MAP3K13: variants seen among roughly 807,000 people sequenced by gnomAD.
The protein encoded by MAP3K13 is leucine zipper-bearing kinase.
A neutral mutation model predicts 104.0 loss-of-function variants in MAP3K13; 52 were observed. That is an observed-to-expected ratio of 0.50 (90% CI 0.40 to 0.63). The LOEUF is 0.63. Among genes scored for constraint, MAP3K13 ranks in the 20% least tolerant of loss-of-function variants. The pLI is 0.00. For synonymous variants in MAP3K13, 394 were observed against 442.2 expected (o/e 0.89, Z 1.37); for missense variants, 914 against 1,218.5 (o/e 0.75, Z 3.72).
intron 1 of MAP3K13, among the ~76,000 whole-genome samples, chr3:185,369,358 AAG>A (rs1724045631): frequency 6.6e-6 from 1 of 152,218 alleles, no homozygotes; most frequent in Non-Finnish European, 1.5e-5. Flanking sequence ...CTGAGATGTA[AAG>A]AGAGTTTCTT....
At chr3:185,307,418 A>G (rs1033684945) in intron 2 of MAP3K13, among the ~76,000 whole-genome samples, 4 of 151,674 alleles carry the variant, frequency 2.6e-5, no homozygotes, top group Non-Finnish European at 5.9e-5. Context: ...CAGGAGCTGG[A>G]TAATTCTTAA....
In MAP3K13 at chr3:185,399,626, C is replaced by CGGGGCGGGGGGG. The variant is rs1452317066; in HGVS notation, c.-85-28867_-85-28866insCGGGGGGGGGGG. On this transcript the variant is annotated intron_variant, in intron 1 of 13. Coordinates refer to ENST00000265026, the MANE Select transcript of MAP3K13 (RefSeq NM_004721.5). Reference sequence around the variant, plus strand: ...CGTCAGAAAGAAAGAGAGAGAAAGGCGGGGGGGGGGGGGGAGGGAGGGAGG... The same window carrying CGGGGCGGGGGGG: ...CGTCAGAAAGAAAGAGAGAGAAAGGCGGGGCGGGGGGGGGGGGGGGGGGGGGAGGGAGGGAGG... Among the ~76,000 whole-genome samples, 2 of 310 alleles carry CGGGGCGGGGGGG rather than the reference C, an allele frequency of 6.5e-3. 1 individual carries two copies. Among genetic ancestry groups the CGGGGCGGGGGGG allele is most frequent in the Non-Finnish European group, 0.015 (2 of 136 alleles). 0.2% of individuals were successfully genotyped at this position (310 alleles called of 152,430 possible). A position where few individuals can be genotyped will look rare whatever the true frequency, so the allele number is the denominator to read the frequency against.
upstream of MAP3K13, chr3:185,363,045 GT>G: frequency 1.0e-6 from 1 of 984,096 alleles, no homozygotes; most frequent in African/African-American, 1.8e-5. Flanking sequence ...TGTTTATTCT[GT>G]GACCAGATTC....
rs757013040 is a variant in MAP3K13 at position 185,382,426 on chromosome 3, G to C, written c.-86+19058G>C. On this transcript the variant is annotated intron_variant, in intron 1 of 13. Transcript: ENST00000265026. ...AGTTAAGACTACTGTATATGATGTA[G>C]TGATAAGAGACAAGAAACAGGAGAA... Among the ~76,000 whole-genome samples the C allele has an allele frequency of 2.1e-4, 32 of 152,170 alleles. 1 individual carries two copies. The highest frequency in any genetic ancestry group is 4.3e-4 in the Non-Finnish European group (29 of 68,034).
intron 13 of MAP3K13, among the ~76,000 whole-genome samples, chr3:185,480,956 C>A (rs956661552): frequency 6.6e-6 from 1 of 152,104 alleles, no homozygotes; most frequent in Admixed American, 6.5e-5. Flanking sequence ...AGGTGCCTCC[C>A]CCAACATTGG....
intron 1 of MAP3K13, among the ~76,000 whole-genome samples, chr3:185,380,927 A>C (rs992850639): frequency 1.8e-4 from 27 of 151,912 alleles, no homozygotes; most frequent in African/African-American, 6.5e-4. Context: ...AATACTCCTA[A>C]AAGAGGAAGA....
rs553025408 is a variant in MAP3K13, at chr3:185,353,491, C to A, written c.-86+67848C>A. Reference sequence around the variant, plus strand: ...GATTGGCATAGGTGTGGGCTACGGTCGGTTTACACCTCTACTTGTTACAGT... The same window carrying A: ...GATTGGCATAGGTGTGGGCTACGGTAGGTTTACACCTCTACTTGTTACAGT... On this transcript the variant is annotated intron_variant, in intron 2 of 14. Coordinates refer to the MAP3K13 transcript ENST00000424227. 4.6e-5 allele frequency among the ~76,000 whole-genome samples: 7 copies of A among 152,298 alleles called. No homozygotes were observed. In the South Asian group the frequency reaches 1.4e-3, roughly 32 times the overall value.
chr3:185,380,187 A>AAAAACAAAACAAAAC (rs71162302), intron 1 of MAP3K13, among the ~76,000 whole-genome samples: 7 of 142,838 alleles, frequency 4.9e-5, no homozygotes, highest in East Asian at 2.2e-4. Flanking sequence ...CTCCGTCTCA[A>AAAAACAAAACAAAAC]AAAACAAAAC....
chr3:185,446,996 G>A (rs926047879), intron 4 of MAP3K13, among the ~76,000 whole-genome samples: 1 of 152,174 alleles, frequency 6.6e-6, no homozygotes, highest in Non-Finnish European at 1.5e-5. Flanking sequence ...GACATCCAGC[G>A]AGGTCTGGAG....
At chr3:185,371,033 C>A (rs536130573) in intron 1 of MAP3K13, among the ~76,000 whole-genome samples, 1 of 151,990 alleles carries the variant, frequency 6.6e-6, no homozygotes, top group Non-Finnish European at 1.5e-5. Flanking sequence ...TTATAACCAG[C>A]CTTTGTAAAA....
intron 3 of MAP3K13, among the ~76,000 whole-genome samples, chr3:185,438,578 T>G (rs1312375442): frequency 6.6e-6 from 1 of 152,220 alleles, no homozygotes; most frequent in African/African-American, 2.4e-5. Flanking sequence ...AAAGTGATTG[T>G]TTTCAAGAGT....
chr3:185,333,146 T>C (rs1180300443), intron 2 of MAP3K13, among the ~76,000 whole-genome samples: 1 of 152,208 alleles, frequency 6.6e-6, no homozygotes, highest in Non-Finnish European at 1.5e-5. Context: ...CATTTTTTGT[T>C]CTTGTGCCCT....
intron 10 of MAP3K13, among the ~76,000 whole-genome samples, chr3:185,471,052 A>T (rs1226043751): frequency 6.6e-6 from 1 of 152,214 alleles, no homozygotes; most frequent in Non-Finnish European, 1.5e-5. Flanking sequence ...CGGGACTGTA[A>T]GGTGGATGCT....
chr3:185,449,848 CA>C (rs1244662434), intron 5 of MAP3K13, 51 bp from the exon 6 acceptor site: 59 of 1,475,280 alleles, frequency 4.0e-5, no homozygotes, highest in Non-Finnish European at 5.2e-5. Flanking sequence ...AACTAAAATA[CA>C]AATCAGTCTT....
chr3:185,339,306 G>A (rs1345898535), intron 2 of MAP3K13, among the ~76,000 whole-genome samples: 1 of 152,126 alleles, frequency 6.6e-6, no homozygotes, highest in East Asian at 1.9e-4. Flanking sequence ...GTGACAGAGC[G>A]AGACTCTGTC....
chr3:185,437,140 T>C (rs984909555), intron 2 of MAP3K13, among the ~76,000 whole-genome samples: 3 of 151,376 alleles, frequency 2.0e-5, no homozygotes, highest in African/African-American at 7.3e-5. Flanking sequence ...GACGGGTAAA[T>C]TGACTGACAT....
intron 1 of MAP3K13, among the ~76,000 whole-genome samples, chr3:185,407,516 T>G (rs1276623053): frequency 1.3e-5 from 2 of 152,226 alleles, no homozygotes; most frequent in Non-Finnish European, 2.9e-5. Context: ...TAAATGGATT[T>G]TGTCAAAGAC....
chr3:185,349,127 T>C (rs1194515492), intron 2 of MAP3K13, among the ~76,000 whole-genome samples: 1 of 142,432 alleles, frequency 7.0e-6, no homozygotes, highest in African/African-American at 2.6e-5. Flanking sequence ...CTACTTATTC[T>C]TTTTTTTTTT....
intron 1 of MAP3K13, among the ~76,000 whole-genome samples, chr3:185,371,121 G>A (rs1018059429): frequency 3.3e-5 from 5 of 151,444 alleles, no homozygotes; most frequent in African/African-American, 7.3e-5. Context: ...CAAGTTGGTC[G>A]ATAGATTGGT....
Sources: allele counts gnomAD v4.1 joint callset (sites outside exome capture counted in the v4.1 genomes callset), GRCh38; gene constraint gnomAD v4.1.1; transcripts MANE v1.5; gene names NCBI Gene and HGNC (gene_info 2026-07-23, HGNC 2026-07-21).